CTIF: variants seen among roughly 807,000 people sequenced by gnomAD.
CTIF encodes the protein cap binding complex dependent translation initiation factor, also known as CBP80/20-dependent translation initiation factor.
In CTIF, 21 loss-of-function variants were observed where a neutral mutation model predicts 66.0. The observed-to-expected ratio is 0.32, with a 90% CI of 0.23 to 0.46. The LOEUF is 0.46. Ranked by LOEUF, CTIF falls within the 20% of genes least tolerant of loss-of-function variation. CTIF has a pLI of 1.00. For synonymous variants in CTIF, 345 were observed against 326.4 expected (o/e 1.06, Z -0.62); for missense variants, 739 against 812.7 (o/e 0.91, Z 1.10).
intron 1 of CTIF, among the ~76,000 whole-genome samples, chr18:48,594,127 T>A (rs1311622185): frequency 6.7e-6 from 1 of 148,748 alleles, no homozygotes; most frequent in Non-Finnish European, 1.5e-5. Flanking sequence ...TTTGGTGTCG[T>A]GAACTGTGGC....
chr18:48,545,777 A>T (rs965961634), intron 1 of CTIF, among the ~76,000 whole-genome samples: 5 of 152,136 alleles, frequency 3.3e-5, no homozygotes, highest in Non-Finnish European at 5.9e-5. Context: ...GAGCCCTGGG[A>T]GCGGGGAAGC....
chr18:48,545,416 G>T (rs547133895), intron 1 of CTIF, among the ~76,000 whole-genome samples: 3 of 152,158 alleles, frequency 2.0e-5, no homozygotes, highest in Non-Finnish European at 4.4e-5. Context: ...CAGGTCATAG[G>T]GGGTGAGACC....
intron 7 of CTIF, among the ~76,000 whole-genome samples, chr18:48,733,022 A>G (rs1452706314): frequency 2.0e-5 from 3 of 152,146 alleles, no homozygotes; most frequent in Non-Finnish European, 4.4e-5. Context: ...AAGAAGGAGG[A>G]GGAGGAGCGT....
chr18:48,848,758 C>T (rs2069134026), intron 10 of CTIF, among the ~76,000 whole-genome samples: 1 of 152,338 alleles, frequency 6.6e-6, no homozygotes, highest in South Asian at 2.1e-4. Flanking sequence ...CAGGAGACTC[C>T]CACCAGGCTG....
intron 9 of CTIF, among the ~76,000 whole-genome samples, chr18:48,785,286 G>C (rs975886012): frequency 3.3e-5 from 5 of 152,208 alleles, no homozygotes; most frequent in Non-Finnish European, 5.9e-5. Flanking sequence ...CCGAAACTCA[G>C]CTGTGGTTGC....
At chr18:48,677,737 C>G (rs1250182686) in intron 6 of CTIF, among the ~76,000 whole-genome samples, 1 of 152,160 alleles carries the variant, frequency 6.6e-6, no homozygotes, top group African/African-American at 2.4e-5. Flanking sequence ...TCTTTTGCGT[C>G]TGTATTCTCC....
chr18:48,639,533 C>T (rs1352914121), intron 3 of CTIF, among the ~76,000 whole-genome samples: 1 of 152,150 alleles, frequency 6.6e-6, no homozygotes, highest in Non-Finnish European at 1.5e-5. Flanking sequence ...GACCTGGGTG[C>T]TGCAGGGGGA....
intron 6 of CTIF, among the ~76,000 whole-genome samples, chr18:48,694,975 GAC>G (rs1211057475): frequency 6.6e-6 from 1 of 152,196 alleles, no homozygotes; most frequent in Non-Finnish European, 1.5e-5. Flanking sequence ...ACCTCTGTAA[GAC>G]CTTATCCTTT....
At chr18:48,633,855 AG>A (rs2090766203) in intron 2 of CTIF, among the ~76,000 whole-genome samples, 1 of 152,220 alleles carries the variant, frequency 6.6e-6, no homozygotes, top group Non-Finnish European at 1.5e-5. Context: ...AGAATGGAAC[AG>A]GGTGTTCCCA....
At chr18:48,685,033 T>A (rs2091813485) in intron 6 of CTIF, among the ~76,000 whole-genome samples, 1 of 149,966 alleles carries the variant, frequency 6.7e-6, no homozygotes. Flanking sequence ...TGTTTGTATT[T>A]TTTTTTTTTT....
intron 7 of CTIF, among the ~76,000 whole-genome samples, chr18:48,737,906 G>A (rs2092518066): frequency 6.6e-6 from 1 of 152,238 alleles, no homozygotes; most frequent in South Asian, 2.1e-4. Flanking sequence ...ATGCCTGAGA[G>A]GGCAGGCACC....
intron 1 of CTIF, among the ~76,000 whole-genome samples, chr18:48,584,011 T>C (rs1463038198): frequency 6.6e-6 from 1 of 152,216 alleles, no homozygotes; most frequent in Non-Finnish European, 1.5e-5. Context: ...ACAGCACCTT[T>C]GTGAGAATCG....
chr18:48,619,433 A>G, intron 1 of CTIF, 105 bp from the exon 2 acceptor site: 1 of 711,876 alleles, frequency 1.4e-6, no homozygotes, highest in Non-Finnish European at 2.1e-6. Flanking sequence ...GAACGCCATG[A>G]TGGATAAGAA....
At chr18:48,576,480 C>T (rs573706391) in intron 1 of CTIF, among the ~76,000 whole-genome samples, 175 of 152,370 alleles carry the variant, frequency 1.1e-3, no homozygotes, top group African/African-American at 2.4e-3. Flanking sequence ...CTGGGTCCCA[C>T]TTGCCACTCT....
At chr18:48,604,647 C>T (rs186261333) in intron 1 of CTIF, among the ~76,000 whole-genome samples, 16 of 152,148 alleles carry the variant, frequency 1.1e-4, no homozygotes, top group African/African-American at 1.7e-4. Context: ...TATTCAGATT[C>T]GATTTATATA....
intron 8 of CTIF, chr18:48,760,694 T>C (rs1908900061): frequency 6.6e-6 from 1 of 152,242 alleles, no homozygotes; most frequent in South Asian, 2.1e-4. Flanking sequence ...GCCCCTGGTC[T>C]GGTCCTAGTT....
At chr18:48,541,864 C>A (rs2088629153) in intron 1 of CTIF, among the ~76,000 whole-genome samples, 1 of 151,478 alleles carries the variant, frequency 6.6e-6, no homozygotes, top group Non-Finnish European at 1.5e-5. Context: ...GATATCATAG[C>A]ATTTATTAAG....
intron 10 of CTIF, among the ~76,000 whole-genome samples, chr18:48,843,906 C>T (rs1476500103): frequency 6.6e-6 from 1 of 152,204 alleles, no homozygotes; most frequent in East Asian, 1.9e-4. Context: ...ATTTCCTTCC[C>T]TGTGCCTCAG....
At chr18:48,822,251 G>A (rs1362794752) in intron 10 of CTIF, among the ~76,000 whole-genome samples, 2 of 152,102 alleles carry the variant, frequency 1.3e-5, no homozygotes, top group Non-Finnish European at 2.9e-5. Context: ...TGGGGTACAT[G>A]TGATATTTTG....
Sources: allele counts gnomAD v4.1 joint callset (sites outside exome capture counted in the v4.1 genomes callset), GRCh38; gene constraint gnomAD v4.1.1; transcripts MANE v1.5; gene names NCBI Gene and HGNC (gene_info 2026-07-23, HGNC 2026-07-21).